CHSY3: variants seen among roughly 807,000 people sequenced by gnomAD.
CHSY3 encodes chondroitin sulfate synthase 3, also known as N-acetylgalactosaminyl-proteoglycan 3-beta-glucuronosyltransferase 3.
Under a neutral mutation model 67.2 loss-of-function variants are expected in CHSY3, and 35 were observed. That is an observed-to-expected ratio of 0.52 (90% CI 0.40 to 0.69). The LOEUF (loss-of-function observed/expected upper bound fraction) is 0.69, where lower values mean the gene tolerates loss of function less well. CHSY3 is among the 30% of genes least tolerant of loss of function. The pLI is 0.00. For missense variants in CHSY3, 1,069 were observed against 1,138.5 expected (o/e 0.94, Z 0.88); for synonymous variants, 474 against 434.7 (o/e 1.09, Z -1.12).
intron 2 of CHSY3, among the ~76,000 whole-genome samples, chr5:129,930,782 C>T (rs1187700979): frequency 6.6e-6 from 1 of 152,146 alleles, no homozygotes. Context: ...ATGACAGCCA[C>T]AGAGGGACCA....
chr5:129,959,326 G>T (rs763765915), intron 2 of CHSY3, among the ~76,000 whole-genome samples: 6 of 151,948 alleles, frequency 3.9e-5, no homozygotes, highest in Non-Finnish European at 7.4e-5. Context: ...AAAAATCTTT[G>T]CCCATATATC....
At chr5:130,072,880 A>G (rs1458635533) in intron 2 of CHSY3, among the ~76,000 whole-genome samples, 3 of 152,176 alleles carry the variant, frequency 2.0e-5, no homozygotes, top group African/African-American at 7.2e-5. Context: ...GCTAAGTGAA[A>G]TAAGTCAGGC....
chr5:130,114,588 T>C (rs781429169), intron 2 of CHSY3: 12 of 152,128 alleles, frequency 7.9e-5, no homozygotes, highest in Non-Finnish European at 1.3e-4. Flanking sequence ...AGGTAATATA[T>C]GTAAAGTTCT....
intron 2 of CHSY3, among the ~76,000 whole-genome samples, chr5:130,036,775 C>A (rs1412241476): frequency 6.6e-6 from 1 of 152,046 alleles, no homozygotes; most frequent in East Asian, 1.9e-4. Flanking sequence ...CATTTTGAAA[C>A]CAGCTCTGTG....
intron 2 of CHSY3, among the ~76,000 whole-genome samples, chr5:129,932,810 G>A (rs1221376600): frequency 6.6e-6 from 1 of 151,744 alleles, no homozygotes; most frequent in Non-Finnish European, 1.5e-5. Flanking sequence ...TTTGTTTTCA[G>A]GCAGTAAATG....
At chr5:130,086,580 T>G (rs1766637874) in intron 2 of CHSY3, among the ~76,000 whole-genome samples, 1 of 152,098 alleles carries the variant, frequency 6.6e-6, no homozygotes, top group African/African-American at 2.4e-5. Context: ...CAGAGAATAC[T>G]ACAAACACCT....
At chr5:130,169,436 A>C (rs771253292) in intron 2 of CHSY3, among the ~76,000 whole-genome samples, 10 of 152,030 alleles carry the variant, frequency 6.6e-5, no homozygotes, top group Non-Finnish European at 1.3e-4. Context: ...CAGCATTCCA[A>C]ATTTCCCTGA....
chr5:129,964,052 G>A (rs780343150), intron 2 of CHSY3, among the ~76,000 whole-genome samples: 17 of 151,874 alleles, frequency 1.1e-4, no homozygotes, highest in Admixed American at 3.3e-4. Context: ...GATACAGTGG[G>A]CAACCTTTCC....
intron 2 of CHSY3, among the ~76,000 whole-genome samples, chr5:129,995,531 CAG>C (rs1763512372): frequency 6.7e-6 from 1 of 148,158 alleles, no homozygotes; most frequent in South Asian, 2.1e-4. Flanking sequence ...TTTTCTGAGA[CAG>C]AGTCTCACTC....
Position 129,908,298 on chromosome 5 carries a change from G to C in CHSY3, c.1024G>C (p.Asp342His). The C allele has an allele frequency of 6.2e-7, 1 of 1,614,126 alleles. No individual in the cohort carries two copies. Among genetic ancestry groups the C allele is most frequent in the Non-Finnish European group, 8.5e-7 (1 of 1,179,984 alleles). ...CLREMYTTHE[D>H]VEVGRCVRRF... The stretch of plus-strand genomic sequence containing the variant: ...TAGAGAAATGTACACGACTCATGAG[G>C]ATGTGGAAGTAGGAAGATGCGTTCG... Residue 342 changes from aspartate to histidine, a missense_variant, in exon 2 of 3, where the codon GAT (aspartate) becomes CAT (histidine). By Grantham distance (81) the Asp-to-His change is moderately conservative (BLOSUM62 -1). Around this residue, in one of 5 missense-constraint regions of CHSY3, gnomAD observed 216 missense variants for 311.5 expected, o/e 0.69. Coordinates refer to ENST00000305031, the MANE Select transcript of CHSY3 (RefSeq NM_175856.5).
chr5:130,142,318 A>G (rs1166052676), intron 2 of CHSY3, among the ~76,000 whole-genome samples: 1 of 152,320 alleles, frequency 6.6e-6, no homozygotes, highest in East Asian at 1.9e-4. Context: ...TTTAAAATAA[A>G]TTGTGACTAT....
intron 2 of CHSY3, among the ~76,000 whole-genome samples, chr5:130,094,320 G>A (rs7717772): frequency 0.46 from 69,583 of 151,880 alleles, 16,260 homozygotes; most frequent in African/African-American, 0.54. Flanking sequence ...ATATATTTAG[G>A]CCTAAATAGT....
At chr5:129,956,147 C>T (rs1025234892) in intron 2 of CHSY3, among the ~76,000 whole-genome samples, 2 of 152,108 alleles carry the variant, frequency 1.3e-5, no homozygotes, top group African/African-American at 4.8e-5. Context: ...AACTAATTTA[C>T]ACTCCCGCCA....
rs1284015024 is a variant in CHSY3 at position 129,904,785 on chromosome 5, C to T, written c.-45C>T. On this transcript the variant is annotated 5_prime_UTR_variant, in exon 1 of 3. Transcript: ENST00000305031. ...GGTGTGAGCCGGGGAAACCGCGTGCCGCGCCGCGACAGCCCAGCGAGCGTC... is the reference window on the plus strand; with the variant it reads ...GGTGTGAGCCGGGGAAACCGCGTGCTGCGCCGCGACAGCCCAGCGAGCGTC... 25 of 1,312,016 alleles carry T rather than the reference C, an allele frequency of 1.9e-5. No homozygotes were observed. The highest frequency in any genetic ancestry group is 2.4e-5 in the Non-Finnish European group (25 of 1,031,570). 81.3% of individuals were successfully genotyped at this position (1,312,016 alleles called of 1,614,324 possible). A position where few individuals can be genotyped will look rare whatever the true frequency, so the allele number is the denominator to read the frequency against.
At chr5:129,951,504 C>A (rs1320325482) in intron 2 of CHSY3, among the ~76,000 whole-genome samples, 1 of 152,168 alleles carries the variant, frequency 6.6e-6, no homozygotes, top group Non-Finnish European at 1.5e-5. Context: ...ACCAAAGCAT[C>A]TTCTCTGTAA....
intron 2 of CHSY3, among the ~76,000 whole-genome samples, chr5:130,105,910 T>G (rs991760605): frequency 6.6e-6 from 1 of 151,684 alleles, no homozygotes; most frequent in Admixed American, 6.6e-5. Context: ...TAGTTATAAT[T>G]GAGTCAAAAC....
intron 2 of CHSY3, among the ~76,000 whole-genome samples, chr5:130,080,238 A>G (rs748219905): frequency 2.0e-5 from 3 of 151,872 alleles, no homozygotes; most frequent in Non-Finnish European, 4.4e-5. Context: ...TCCAATACAC[A>G]CTTTCATTAT....
chr5:130,163,456 C>A (rs1260394296), intron 2 of CHSY3, among the ~76,000 whole-genome samples: 1 of 152,092 alleles, frequency 6.6e-6, no homozygotes. Context: ...GGAATTCACT[C>A]CCAACTATTA....
intron 2 of CHSY3, among the ~76,000 whole-genome samples, chr5:129,946,484 ATT>A (rs1450578030): frequency 1.3e-5 from 2 of 152,170 alleles, no homozygotes; most frequent in African/African-American, 4.8e-5. Flanking sequence ...TTCATAGATA[ATT>A]TTGTTTTAAT....
Sources: gnomAD v4.1 joint callset for allele counts (sites outside exome capture counted in the v4.1 genomes callset) on GRCh38, gnomAD v4.1.1 for gene constraint, gnomAD v4.1.1 regional missense constraint, MANE v1.5 for transcripts, NCBI Gene and HGNC (gene_info 2026-07-23, HGNC 2026-07-21) for gene names.